The following TMED3 variants were observed in gnomAD, a reference collection of about 807,000 sequenced individuals.
The protein encoded by TMED3 is transmembrane emp24 domain-containing protein 3.
TMED3 carries 9 observed loss-of-function variants against 15.0 expected under a neutral mutation model. The observed-to-expected ratio is 0.60, with a 90% confidence interval of 0.36 to 1.04. The LOEUF is 1.04. Among genes scored for constraint, TMED3 ranks in the 50% least tolerant of loss-of-function variants. The pLI is 0.01. For missense variants in TMED3, 267 were observed against 278.9 expected (o/e 0.96, Z 0.30); for synonymous variants, 117 against 121.4 (o/e 0.96, Z 0.24).
chr15:79,411,469 G>A, exon 3 of TMED3: 1 of 702,530 alleles, frequency 1.4e-6, no homozygotes, highest in East Asian at 2.7e-5. Flanking sequence ...CGGAACACCT[G>A]CCACCGAGGG....
chr15:79,378,719 T>C (rs1490669572), intron 2 of TMED3, among the ~76,000 whole-genome samples: 1 of 152,200 alleles, frequency 6.6e-6, no homozygotes, highest in East Asian at 1.9e-4. Flanking sequence ...TTGTTGTAAA[T>C]ACATTCTTTT....
intron 2 of TMED3, among the ~76,000 whole-genome samples, chr15:79,358,576 G>A (rs991294112): frequency 6.6e-6 from 1 of 152,162 alleles, no homozygotes; most frequent in Non-Finnish European, 1.5e-5. Flanking sequence ...TCAAGATTAG[G>A]AGGTTAACAG....
chr15:79,341,866 T>C (rs2058852964), intron 2 of TMED3, among the ~76,000 whole-genome samples: 2 of 152,152 alleles, frequency 1.3e-5, no homozygotes, highest in Admixed American at 1.3e-4. Context: ...GAGGAGGCGC[T>C]TACTGGGTAG....
chr15:79,353,624 A>C (rs1013099788), intron 2 of TMED3, among the ~76,000 whole-genome samples: 4 of 150,448 alleles, frequency 2.7e-5, no homozygotes, highest in Non-Finnish European at 5.9e-5. Context: ...CTAGATAACA[A>C]TTCTAAAAGA....
intron 2 of TMED3, among the ~76,000 whole-genome samples, chr15:79,340,797 T>C (rs2058848869): frequency 6.6e-6 from 1 of 152,228 alleles, no homozygotes; most frequent in African/African-American, 2.4e-5. Flanking sequence ...TTCCTTCATG[T>C]ATCCATTCAC....
chr15:79,411,475 G>A (rs923653504), exon 3 of TMED3: 18 of 702,392 alleles, frequency 2.6e-5, no homozygotes, highest in African/African-American at 5.2e-5. Context: ...ACCTGCCACC[G>A]AGGGACTGGG....
At chr15:79,314,719 C>T (rs1232841239) in intron 2 of TMED3, 2 of 339,758 alleles carry the variant, frequency 5.9e-6, no homozygotes, top group Non-Finnish European at 1.2e-5. Flanking sequence ...GCCTTAGCAA[C>T]AGCTCCACAC....
chr15:79,317,861 T>G (rs144241171), intron 2 of TMED3, among the ~76,000 whole-genome samples: 23 of 152,354 alleles, frequency 1.5e-4, no homozygotes, highest in African/African-American at 5.5e-4. Context: ...TTTCCCTGCC[T>G]CTAAACTGGT....
chr15:79,355,267 A>G (rs2058914322), intron 2 of TMED3, among the ~76,000 whole-genome samples: 1 of 152,176 alleles, frequency 6.6e-6, no homozygotes, highest in African/African-American at 2.4e-5. Flanking sequence ...CAAAAACAAC[A>G]TAGCTCACTT....
At chr15:79,381,504 C>T (rs1248175683) in intron 2 of TMED3, among the ~76,000 whole-genome samples, 1 of 152,190 alleles carries the variant, frequency 6.6e-6, no homozygotes, top group African/African-American at 2.4e-5. Context: ...AGTCAAACTC[C>T]TAATTGTTCC....
chr15:79,406,769 C>T (rs1172082731), intron 2 of TMED3, among the ~76,000 whole-genome samples: 1 of 152,178 alleles, frequency 6.6e-6, no homozygotes, highest in Non-Finnish European at 1.5e-5. Context: ...TTATCTTACC[C>T]CCCGCAGGAA....
At chr15:79,311,481 G>C (rs1233960542) in intron 1 of TMED3, 64 bp downstream of exon 1, 3 of 1,522,500 alleles carry the variant, frequency 2.0e-6, no homozygotes, top group East Asian at 4.9e-5. Flanking sequence ...CTGGACACTG[G>C]CTAGCCCCTG....
At chr15:79,371,762 AC>A (rs1240779280) in intron 2 of TMED3, among the ~76,000 whole-genome samples, 1 of 152,222 alleles carries the variant, frequency 6.6e-6, no homozygotes, top group Non-Finnish European at 1.5e-5. Context: ...TTTAGGTTTT[AC>A]AATAGTGATG....
At chr15:79,359,230 G>GTT (rs5813967) in intron 2 of TMED3, among the ~76,000 whole-genome samples, 2,188 of 122,362 alleles carry the variant, frequency 0.018, 56 homozygotes, top group South Asian at 0.029. Flanking sequence ...AGAAGGCTCA[G>GTT]TTTTTTTTTT....
At position 79,318,777 on chromosome 15, in the gene TMED3, G is replaced by A. The variant is rs58104844; in HGVS notation, c.418-3201G>A. Among the ~76,000 whole-genome samples the A allele has an allele frequency of 2.8e-3, 420 of 152,302 alleles. 1 individual carries two copies. Among genetic ancestry groups the A allele is most frequent in the African/African-American group, 9.8e-3 (409 of 41,562 alleles). Reference sequence around the variant, plus strand: ...TTGGAAGCATTCCCCGGAGAGCTAGGAGGAGCAACCACAAATGCGACCATT... The same window carrying A: ...TTGGAAGCATTCCCCGGAGAGCTAGAAGGAGCAACCACAAATGCGACCATT... On this transcript the variant is annotated intron_variant, in intron 2 of 2. Transcript: ENST00000299705.
chr15:79,334,177 A>T (rs1244973680), intron 2 of TMED3, among the ~76,000 whole-genome samples: 1 of 152,206 alleles, frequency 6.6e-6, no homozygotes, highest in Non-Finnish European at 1.5e-5. Flanking sequence ...ACCCAAGCAA[A>T]TAAGAGTAAA....
intron 2 of TMED3, among the ~76,000 whole-genome samples, chr15:79,344,873 A>G (rs2058863782): frequency 6.6e-6 from 1 of 152,192 alleles, no homozygotes; most frequent in African/African-American, 2.4e-5. Flanking sequence ...AATGTTTTAT[A>G]GGAGTTTAAC....
chr15:79,387,280 T>A (rs796271749), intron 2 of TMED3, among the ~76,000 whole-genome samples: 13 of 152,340 alleles, frequency 8.5e-5, no homozygotes, highest in African/African-American at 3.1e-4. Context: ...ACTACCCAAT[T>A]ATTTCAGTTT....
chr15:79,379,289 G>T (rs986524991), intron 2 of TMED3, among the ~76,000 whole-genome samples: 4 of 152,048 alleles, frequency 2.6e-5, no homozygotes, highest in African/African-American at 7.2e-5. Flanking sequence ...TGAAATCTTA[G>T]AACTGCAGAT....
Sources: allele counts gnomAD v4.1 joint callset (sites outside exome capture counted in the v4.1 genomes callset), GRCh38; gene constraint gnomAD v4.1.1; transcripts MANE v1.5; gene names NCBI Gene and HGNC (gene_info 2026-07-23, HGNC 2026-07-21).